The following CALD1 variants were observed in gnomAD, a reference collection of about 807,000 sequenced individuals.
The protein encoded by CALD1 is caldesmon.
CALD1 carries 33 observed loss-of-function variants against 99.9 expected under a neutral mutation model. The ratio of observed to expected loss-of-function variants is 0.33; its 90% confidence interval spans 0.25 to 0.44. The LOEUF is 0.44. Among genes scored for constraint, CALD1 ranks in the 20% least tolerant of loss-of-function variants. The probability of loss-of-function intolerance (pLI) is 1.00; values close to 1 mark genes in which losing one functional copy is unlikely to be tolerated. For missense variants in CALD1, 861 were observed against 962.1 expected (o/e 0.89, Z 1.39); for synonymous variants, 310 against 325.0 (o/e 0.95, Z 0.50).
chr7:134,792,730 C>T (rs1006606417), intron 1 of CALD1, among the ~76,000 whole-genome samples: 1 of 152,206 alleles, frequency 6.6e-6, no homozygotes, highest in African/African-American at 2.4e-5. Flanking sequence ...ACTGCTTCAA[C>T]ATATGAATAC....
At chr7:134,767,759 C>G (rs547386162) in intron 1 of CALD1, among the ~76,000 whole-genome samples, 1 of 152,298 alleles carries the variant, frequency 6.6e-6, no homozygotes, top group Non-Finnish European at 1.5e-5. Flanking sequence ...TCTCTGGTGC[C>G]TGTCAGAGCT....
intron 4 of CALD1, among the ~76,000 whole-genome samples, chr7:134,930,304 T>C (rs1805430134): frequency 6.6e-6 from 1 of 152,206 alleles, no homozygotes; most frequent in Non-Finnish European, 1.5e-5. Context: ...TCATTTATAT[T>C]GTCATTTATG....
chr7:134,895,294 A>ATGTG (rs1284861877), intron 3 of CALD1, among the ~76,000 whole-genome samples: 4 of 122,650 alleles, frequency 3.3e-5, no homozygotes, highest in African/African-American at 1.4e-4. Flanking sequence ...GGTTTTATAT[A>ATGTG]TGTATGTGTG....
At chr7:134,771,679 C>T (rs976135985) in intron 1 of CALD1, among the ~76,000 whole-genome samples, 3 of 152,156 alleles carry the variant, frequency 2.0e-5, no homozygotes, top group Non-Finnish European at 1.5e-5. Context: ...GAACAAGCCC[C>T]GCAGTACTTA....
chr7:134,968,410 C>T lies in CALD1; in HGVS notation c.*65C>T. 1 of 1,454,586 alleles carries T rather than the reference C, an allele frequency of 6.9e-7. No homozygotes were observed. The allele number at this position is 1,454,586 out of a possible 1,614,324, so 90.1% of individuals were successfully genotyped here. A position where few individuals can be genotyped will look rare whatever the true frequency, so the allele number is the denominator to read the frequency against. ...AGCTCAGTTGTAGAGGGCTAATTCGCTCTGTTTTGTATTTATGTTGATTTA... is the reference window on the plus strand; with the variant it reads ...AGCTCAGTTGTAGAGGGCTAATTCGTTCTGTTTTGTATTTATGTTGATTTA... On this transcript the variant is annotated 3_prime_UTR_variant, in exon 15 of 15. Transcript: ENST00000361675.
chr7:134,873,629 T>G (rs778687617), intron 3 of CALD1, among the ~76,000 whole-genome samples: 1 of 152,236 alleles, frequency 6.6e-6, no homozygotes, highest in Admixed American at 6.5e-5. Flanking sequence ...CCAAGACACA[T>G]AATGATGGCA....
chr7:134,868,736 G>A (rs1272624533), intron 3 of CALD1, among the ~76,000 whole-genome samples: 2 of 152,116 alleles, frequency 1.3e-5, no homozygotes, highest in African/African-American at 4.8e-5. Flanking sequence ...TGATGAACTG[G>A]GCCAGAGTCA....
chr7:134,927,657 C>T (rs1022106720), intron 3 of CALD1, among the ~76,000 whole-genome samples: 1 of 150,580 alleles, frequency 6.6e-6, no homozygotes, highest in Non-Finnish European at 1.5e-5. Context: ...TAAATACACA[C>T]CTGTGGGCCA....
At chr7:134,878,577 A>G (rs1901720) in intron 3 of CALD1, among the ~76,000 whole-genome samples, 44,735 of 151,976 alleles carry the variant, frequency 0.29, 7,329 homozygotes, top group African/African-American at 0.45. Flanking sequence ...TCAAGAAAAA[A>G]TAAAAATAAA....
chr7:134,790,266 G>A (rs1217163306), intron 1 of CALD1, among the ~76,000 whole-genome samples: 1 of 152,136 alleles, frequency 6.6e-6, no homozygotes, highest in Admixed American at 6.6e-5. Flanking sequence ...GGATGGTTGA[G>A]AAGATAAGCT....
intron 11 of CALD1, among the ~76,000 whole-genome samples, chr7:134,959,420 A>G (rs1430058353): frequency 6.6e-6 from 1 of 152,144 alleles, no homozygotes; most frequent in Non-Finnish European, 1.5e-5. Flanking sequence ...GCCTGTCGTC[A>G]CAGCACTTCA....
At chr7:134,786,356 T>G (rs1797305516) in intron 1 of CALD1, among the ~76,000 whole-genome samples, 1 of 152,230 alleles carries the variant, frequency 6.6e-6, no homozygotes, top group Admixed American at 6.5e-5. Context: ...TAAGTTTGTG[T>G]TTTTGTGTTT....
chr7:134,768,205 A>G (rs1026198123), intron 1 of CALD1, among the ~76,000 whole-genome samples: 2 of 152,188 alleles, frequency 1.3e-5, no homozygotes, highest in Non-Finnish European at 2.9e-5. Flanking sequence ...GAGCTCCTTC[A>G]TCTACACTGG....
chr7:134,768,495 C>T (rs1238219056), intron 1 of CALD1, among the ~76,000 whole-genome samples: 2 of 152,146 alleles, frequency 1.3e-5, no homozygotes, highest in Non-Finnish European at 2.9e-5. Context: ...AGCTGAGGAC[C>T]TCACAGTCAG....
chr7:134,778,322 G>T (rs576473615), upstream of CALD1, among the ~76,000 whole-genome samples: 1 of 152,294 alleles, frequency 6.6e-6, no homozygotes, highest in South Asian at 2.1e-4. Context: ...GGACATTTTC[G>T]TAAACAGAGA....
intron 4 of CALD1, among the ~76,000 whole-genome samples, chr7:134,930,482 G>A (rs1270940488): frequency 6.6e-6 from 1 of 152,090 alleles, no homozygotes; most frequent in African/African-American, 2.4e-5. Context: ...AATTCTAAAG[G>A]GAATGGGTCC....
At chr7:134,957,039 T>C (rs941915034) in intron 9 of CALD1, among the ~76,000 whole-genome samples, 1 of 152,210 alleles carries the variant, frequency 6.6e-6, no homozygotes, top group Non-Finnish European at 1.5e-5. Context: ...CTGCTGATTT[T>C]TTCTATGTCC....
chr7:134,809,699 G>A (rs1798282831), intron 1 of CALD1: 1 of 152,178 alleles, frequency 6.6e-6, no homozygotes. Context: ...CATGAAAAGA[G>A]AGGTTTAGGG....
At chr7:134,847,055 C>T (rs541826584) in intron 2 of CALD1, among the ~76,000 whole-genome samples, 10 of 152,264 alleles carry the variant, frequency 6.6e-5, no homozygotes, top group African/African-American at 2.2e-4. Context: ...TCAGTCAGCT[C>T]GTGGGCTTGG....
Sources: allele counts gnomAD v4.1 joint callset (sites outside exome capture counted in the v4.1 genomes callset), GRCh38; gene constraint gnomAD v4.1.1; transcripts MANE v1.5; gene names NCBI Gene and HGNC (gene_info 2026-07-23, HGNC 2026-07-21).